The following MELK variants were observed in gnomAD, a reference collection of about 807,000 sequenced individuals.
MELK encodes pEg3 kinase.
MELK carries 81 observed loss-of-function variants against 85.0 expected under a neutral mutation model. The ratio of observed to expected loss-of-function variants is 0.95; its 90% CI spans 0.80 to 1.15. The LOEUF (loss-of-function observed/expected upper bound fraction) is 1.15. MELK is among the 50% of genes most tolerant of loss of function. MELK has a pLI of 0.00. For synonymous variants in MELK, 252 were observed against 265.0 expected (o/e 0.95, Z 0.48); for missense variants, 754 against 777.5 (o/e 0.97, Z 0.36).
At chr9:36,659,562 A>G (rs1197680017) in intron 13 of MELK, among the ~76,000 whole-genome samples, 3 of 152,144 alleles carry the variant, frequency 2.0e-5, no homozygotes, top group Non-Finnish European at 4.4e-5. Flanking sequence ...TATTTTTACT[A>G]TACCTTTTCT....
At chr9:36,579,768 G>T (rs897500566) in intron 1 of MELK, among the ~76,000 whole-genome samples, 3 of 152,170 alleles carry the variant, frequency 2.0e-5, no homozygotes, top group African/African-American at 7.2e-5. Flanking sequence ...GTATATTAAT[G>T]TGCATAACAG....
intron 9 of MELK, among the ~76,000 whole-genome samples, chr9:36,632,147 A>G (rs984294673): frequency 7.2e-5 from 11 of 152,230 alleles, no homozygotes; most frequent in Non-Finnish European, 4.4e-5. Context: ...GTGTAATTCA[A>G]TAGATCTGAG....
rs142987107 is a variant in MELK, at chr9:36,594,630, C to T, written c.264C>T (p.Tyr88=). Residue 88 remains tyrosine (Y), a splice_region_variant and synonymous_variant, in exon 5 of 18, where the codon TAC becomes TAT. Transcript: ENST00000298048. ...CTGTGATTCCATTGCTGTTGAAGTACTGCCCTGGAGGAGAGCTGTTTGACT... is the reference window on the plus strand; with the variant it reads ...CTGTGATTCCATTGCTGTTGAAGTATTGCCCTGGAGGAGAGCTGTTTGACT... The part of the protein sequence containing the change: ...TANKIFMVLE[Y]CPGGELFDYI... 157 of 1,611,962 alleles carry T rather than the reference C, an allele frequency of 9.7e-5. No homozygotes were observed. The highest frequency in any genetic ancestry group is 1.1e-4 in the Non-Finnish European group (135 of 1,179,430).
intron 17 of MELK, 65 bp from the exon 18 acceptor site, chr9:36,677,095 C>G: frequency 7.1e-7 from 1 of 1,415,590 alleles, no homozygotes; most frequent in African/African-American, 1.4e-5. Flanking sequence ...CTCCTAGAGG[C>G]TTAGAAAACT....
intron 13 of MELK, 143 bp downstream of exon 13, chr9:36,657,506 C>A: frequency 2.3e-6 from 2 of 880,650 alleles, no homozygotes; most frequent in Non-Finnish European, 3.3e-6. Flanking sequence ...AACTGGAATA[C>A]GAATGAAAGG....
chr9:36,586,197 G>A (rs938856856), intron 3 of MELK, among the ~76,000 whole-genome samples: 10 of 151,956 alleles, frequency 6.6e-5, no homozygotes, highest in African/African-American at 2.4e-4. Flanking sequence ...AAAAAATTTC[G>A]CTGGACATGG....
chr9:36,585,636 A>T (rs1277525581), intron 3 of MELK, among the ~76,000 whole-genome samples: 1 of 152,072 alleles, frequency 6.6e-6, no homozygotes, highest in Non-Finnish European at 1.5e-5. Context: ...TTAATTATCA[A>T]ACATAAAAAA....
intron 8 of MELK, among the ~76,000 whole-genome samples, chr9:36,618,959 A>ACT (rs1240811486): frequency 1.4e-5 from 2 of 141,630 alleles, no homozygotes; most frequent in African/African-American, 2.6e-5. Flanking sequence ...AACTCTAAGT[A>ACT]TTTTTTTTTT....
rs968395574 is a variant in MELK at position 36,620,792 on chromosome 9, G to A, written c.667-9507G>A. On this transcript the variant is annotated intron_variant, in intron 8 of 17. Transcript: ENST00000298048. ...TCTCGAACTCCTGACCTTGTGATCCGCCTGCCTTGGCCTCCTAAAGTGCTG... is the reference window on the plus strand; with the variant it reads ...TCTCGAACTCCTGACCTTGTGATCCACCTGCCTTGGCCTCCTAAAGTGCTG... 2.0e-4 allele frequency among the ~76,000 whole-genome samples: 30 copies of A among 151,444 alleles called. 1 individual carries two copies. Among genetic ancestry groups the A allele is most frequent in the East Asian group, 5.9e-4 (3 of 5,078 alleles).
At chr9:36,632,308 A>G (rs1185658227) in intron 9 of MELK, among the ~76,000 whole-genome samples, 5 of 152,190 alleles carry the variant, frequency 3.3e-5, no homozygotes, top group East Asian at 1.9e-4. Flanking sequence ...CACTCTACCA[A>G]TTAATCAATG....
intron 1 of MELK, among the ~76,000 whole-genome samples, chr9:36,577,447 C>T (rs374363548): frequency 6.6e-6 from 1 of 152,084 alleles, no homozygotes; most frequent in East Asian, 2.0e-4. Flanking sequence ...ACCTGGGAGG[C>T]GCAGGTTGCA....
At chr9:36,666,810 G>A (rs1044113640) in intron 14 of MELK, among the ~76,000 whole-genome samples, 15 of 150,348 alleles carry the variant, frequency 1.0e-4, no homozygotes, top group African/African-American at 3.2e-4. Flanking sequence ...AACACTTTCC[G>A]CCAAAATGTG....
chr9:36,600,797 A>G (rs1233220513), intron 7 of MELK, among the ~76,000 whole-genome samples: 1 of 152,188 alleles, frequency 6.6e-6, no homozygotes, highest in Non-Finnish European at 1.5e-5. Context: ...CTTTTGATGG[A>G]GAGCATCTTT....
At chr9:36,593,809 A>G (rs1587361340) in intron 4 of MELK, among the ~76,000 whole-genome samples, 1 of 152,144 alleles carries the variant, frequency 6.6e-6, no homozygotes, top group East Asian at 1.9e-4. Context: ...CTCCTGCCTC[A>G]GTCTCCTGAG....
At chr9:36,659,998 C>T (rs542684901) in intron 13 of MELK, among the ~76,000 whole-genome samples, 5 of 152,146 alleles carry the variant, frequency 3.3e-5, no homozygotes, top group Non-Finnish European at 7.3e-5. Flanking sequence ...GAGGTTTCAC[C>T]ATGTTGGTCA....
intron 4 of MELK, 149 bp downstream of exon 4, chr9:36,589,801 A>G (rs1823342380): frequency 5.0e-6 from 3 of 597,220 alleles, no homozygotes; most frequent in Non-Finnish European, 8.8e-6. Context: ...AAATAGATGT[A>G]TATAATAAGT....
chr9:36,632,082 T>A (rs1165493724), intron 9 of MELK, among the ~76,000 whole-genome samples: 1 of 152,210 alleles, frequency 6.6e-6, no homozygotes, highest in Admixed American at 6.5e-5. Context: ...TCAGCAGATA[T>A]CAAAATTACC....
chr9:36,618,405 C>CAA (rs367884644), intron 8 of MELK, among the ~76,000 whole-genome samples: 93 of 68,770 alleles, frequency 1.4e-3, no homozygotes, highest in East Asian at 8.3e-3. Context: ...AGAGGCTCCT[C>CAA]AAAAAAAAAA....
chr9:36,652,119 T>C (rs2137265320), intron 12 of MELK, among the ~76,000 whole-genome samples: 1 of 132,564 alleles, frequency 7.5e-6, no homozygotes, highest in Non-Finnish European at 1.6e-5. Context: ...TGACCTCAGC[T>C]CACTGCAACC....
Sources: allele counts gnomAD v4.1 joint callset (sites outside exome capture counted in the v4.1 genomes callset), GRCh38; gene constraint gnomAD v4.1.1; transcripts MANE v1.5; gene names NCBI Gene and HGNC (gene_info 2026-07-23, HGNC 2026-07-21).